The following HMGXB3 variants were observed in gnomAD, a reference collection of about 807,000 sequenced individuals.
HMGXB3 encodes the protein HMG domain-containing protein 3.
A neutral mutation model predicts 121.5 loss-of-function variants in HMGXB3; 45 were observed. The observed-to-expected ratio is 0.37, with a 90% CI of 0.29 to 0.47. The LOEUF is 0.47. Among genes scored for constraint, HMGXB3 ranks in the 20% least tolerant of loss-of-function variants. HMGXB3 has a pLI of 0.99. For synonymous variants in HMGXB3, 590 were observed against 624.1 expected, an observed-to-expected ratio of 0.95 and a Z score of 0.81; for missense variants, 1,376 against 1,602.2, an observed-to-expected ratio of 0.86 and a Z score of 2.41.
chr5:150,040,725 T>C, intron 13 of HMGXB3, 23 bp from the exon 14 acceptor site: 1 of 1,548,160 alleles, frequency 6.5e-7, no homozygotes, highest in Non-Finnish European at 8.7e-7. Flanking sequence ...TTAATTTCCT[T>C]GTTGCCTCTT....
chr5:150,051,701 A>C, intron 19 of HMGXB3, 24 bp from the exon 20 acceptor site: 1 of 1,484,038 alleles, frequency 6.7e-7, no homozygotes, highest in Non-Finnish European at 9.0e-7. Context: ...TTCTTATCAA[A>C]ATGCATTCTC....
intron 2 of HMGXB3, among the ~76,000 whole-genome samples, chr5:150,005,244 A>G (rs1755668427): frequency 6.6e-6 from 1 of 152,258 alleles, no homozygotes; most frequent in African/African-American, 2.4e-5. Flanking sequence ...GAGCTACATT[A>G]TTTATTATTA....
intron 3 of HMGXB3, 61 bp from the exon 4 acceptor site, chr5:150,010,050 C>T (rs1755791954): frequency 2.0e-6 from 3 of 1,468,252 alleles, no homozygotes; most frequent in Admixed American, 2.4e-5. Context: ...TTTCTCTCTC[C>T]ATGTGGTCTT....
chr5:150,026,616 A>T, intron 7 of HMGXB3, 90 bp from the exon 8 acceptor site: 1 of 1,122,826 alleles, frequency 8.9e-7, no homozygotes, highest in Non-Finnish European at 1.3e-6. Context: ...CCCCAATACT[A>T]TCCTCTAAGA....
At chr5:150,051,070 C>A (rs1195699236) in intron 19 of HMGXB3, among the ~76,000 whole-genome samples, 1 of 152,202 alleles carries the variant, frequency 6.6e-6, no homozygotes, top group African/African-American at 2.4e-5. Context: ...TCTTATCCAA[C>A]CCTCTCCTTT....
Position 150,040,770 on chromosome 5 carries a change from G to A in HMGXB3, c.2436G>A (p.Lys812=). 6.4e-7 allele frequency: 1 copy of A among 1,552,120 alleles called. No homozygotes were observed. The highest frequency in any genetic ancestry group is 1.4e-5 in the African/African-American group (1 of 73,152). Residue 812 remains lysine (K), a synonymous_variant, in exon 14 of 20, where the codon AAG becomes AAA. Coordinates refer to ENST00000502717, the MANE Select transcript of HMGXB3 (RefSeq NM_014983.3). ...IYTGLFNVGN[K]LLVSLDLLFA... ...CAGGTCTCTTTAATGTGGGGAACAA[G>A]CTGCTGGTAAGCCTGGACTTGCTTT...
At position 150,010,544 on chromosome 5, in the gene HMGXB3, C is replaced by G. The variant is rs1489473902; in HGVS notation, c.746C>G (p.Thr249Ser). The G allele has an allele frequency of 6.4e-7, 1 of 1,551,476 alleles. No individual in the cohort carries two copies. The highest frequency in any genetic ancestry group is 1.2e-5 in the South Asian group (1 of 84,064). ...GTGAATGGCTCACCAGACCTCCCCA[C>G]TGGAAGCCTGGCTGTGCCCCACCCC... ...TLVNGSPDLP[T>S]GSLAVPHPQV... The change falls in exon 4 of 20, where the codon ACT becomes AGT. Residue 249 changes from threonine to serine, a missense_variant. By Grantham distance (58) the Thr-to-Ser change is moderately conservative. Coordinates refer to ENST00000502717, the MANE Select transcript of HMGXB3 (RefSeq NM_014983.3).
intron 15 of HMGXB3, among the ~76,000 whole-genome samples, chr5:150,043,100 C>T (rs149025252): frequency 1.3e-5 from 2 of 152,236 alleles, no homozygotes; most frequent in Admixed American, 6.5e-5. Context: ...TAATTCACTA[C>T]TTAACCGATT....
At chr5:150,004,074 T>A (rs1402732347) in intron 1 of HMGXB3, among the ~76,000 whole-genome samples, 1 of 152,024 alleles carries the variant, frequency 6.6e-6, no homozygotes, top group Admixed American at 6.6e-5. Context: ...CTCACTATGT[T>A]GACCAAGCTG....
chr5:150,015,469 C>G (rs1755939183), intron 5 of HMGXB3, among the ~76,000 whole-genome samples: 1 of 152,072 alleles, frequency 6.6e-6, no homozygotes, highest in Non-Finnish European at 1.5e-5. Flanking sequence ...AAATTATTTG[C>G]AGAGATGGGG....
chr5:150,006,373 G>A (rs1183821360), intron 2 of HMGXB3, 100 bp from the exon 3 acceptor site: 1 of 969,830 alleles, frequency 1.0e-6, no homozygotes, highest in Non-Finnish European at 1.5e-6. Context: ...CTTACTGGTT[G>A]AATGAAGTCC....
At chr5:150,023,450 T>C (rs930503439) in intron 6 of HMGXB3, among the ~76,000 whole-genome samples, 1 of 152,178 alleles carries the variant, frequency 6.6e-6, no homozygotes, top group Non-Finnish European at 1.5e-5. Flanking sequence ...GCCTTTATGT[T>C]TCCTAGTTTA....
At chr5:150,012,706 C>T (rs1385140227) in intron 5 of HMGXB3, among the ~76,000 whole-genome samples, 1 of 152,096 alleles carries the variant, frequency 6.6e-6, no homozygotes, top group Non-Finnish European at 1.5e-5. Context: ...ATACTGTGAT[C>T]GTACAGATTA....
chr5:150,008,214 C>A (rs762229030), intron 3 of HMGXB3, among the ~76,000 whole-genome samples: 2 of 152,096 alleles, frequency 1.3e-5, no homozygotes, highest in Non-Finnish European at 2.9e-5. Flanking sequence ...TTTAAATCAT[C>A]TGCAATGATT....
chr5:150,032,518 A>G lies in HMGXB3; in HGVS notation c.1898A>G (p.Tyr633Cys). 6.4e-7 allele frequency: 1 copy of G among 1,551,984 alleles called. No homozygotes were observed. The highest frequency in any genetic ancestry group is 8.7e-7 in the Non-Finnish European group (1 of 1,147,040). ...KCKNPSCSYV[Y>C]TNRHKPRICP... is the part of the protein sequence containing the mutation. ...AAGAATCCCTCTTGTAGCTATGTCT[A>G]CACCAACAGGCACAAACCTCGAATT... is the stretch of plus-strand genomic sequence containing the variant. The change falls in exon 11 of 20, where the codon TAC becomes TGC. Residue 633 changes from tyrosine to cysteine, a missense_variant. Physicochemically the swap from Tyr to Cys is radical, Grantham distance 194. Transcript: ENST00000502717.
intron 5 of HMGXB3, 65 bp from the exon 6 acceptor site, chr5:150,018,501 G>C: frequency 7.5e-7 from 1 of 1,327,956 alleles, no homozygotes. Flanking sequence ...GTGTTGCTGT[G>C]ATTATAGTGG....
intron 9 of HMGXB3, 108 bp from the exon 10 acceptor site, chr5:150,030,633 G>C: frequency 2.5e-6 from 2 of 806,508 alleles, no homozygotes; most frequent in Non-Finnish European, 4.1e-6. Flanking sequence ...TTGGAGAATA[G>C]CTCTACAAAT....
At chr5:150,046,799 G>A (rs189233680) in intron 16 of HMGXB3, among the ~76,000 whole-genome samples, 134 of 151,898 alleles carry the variant, frequency 8.8e-4, no homozygotes, top group African/African-American at 3.0e-3. Context: ...GCGACAGAGC[G>A]AGACTCCGTC....
chr5:150,024,776 A>G, intron 7 of HMGXB3, 96 bp downstream of exon 7: 1 of 1,045,646 alleles, frequency 9.6e-7, no homozygotes, highest in Non-Finnish European at 1.3e-6. Flanking sequence ...GGCAGCAGAG[A>G]CCAGGCAATG....
Sources: allele counts gnomAD v4.1 joint callset (sites outside exome capture counted in the v4.1 genomes callset), GRCh38; gene constraint gnomAD v4.1.1; transcripts MANE v1.5; gene names NCBI Gene and HGNC (gene_info 2026-07-23, HGNC 2026-07-21).